GRM8: variants seen among roughly 807,000 people sequenced by gnomAD.
The protein encoded by GRM8 is metabotropic glutamate receptor 8.
GRM8 carries 47 observed loss-of-function variants against 87.2 expected under a neutral mutation model. The observed-to-expected ratio is 0.54, with a 90% CI of 0.43 to 0.69. The LOEUF (loss-of-function observed/expected upper bound fraction) is 0.69, where lower values mean the gene tolerates loss of function less well. Among genes scored for constraint, GRM8 ranks in the 30% least tolerant of loss-of-function variants. The pLI, the probability that GRM8 is intolerant of heterozygous loss-of-function variation, is 0.00. For synonymous variants in GRM8, 396 were observed against 404.5 expected, an observed-to-expected ratio of 0.98 and a Z score of 0.25; for missense variants, 1,019 against 1,139.2, an observed-to-expected ratio of 0.89 and a Z score of 1.52.
At chr7:127,162,949 C>G (rs1793208468) in intron 2 of GRM8, among the ~76,000 whole-genome samples, 1 of 152,094 alleles carries the variant, frequency 6.6e-6, no homozygotes, top group South Asian at 2.1e-4. Context: ...TCACTGTTCA[C>G]AGAGTAGATT....
intron 8 of GRM8, among the ~76,000 whole-genome samples, chr7:126,547,323 T>C (rs1817262273): frequency 6.6e-6 from 1 of 152,104 alleles, no homozygotes; most frequent in Non-Finnish European, 1.5e-5. Context: ...TTTTCCCCAA[T>C]GCATGGAGAG....
At chr7:126,806,250 C>G (rs937431044) in intron 6 of GRM8, among the ~76,000 whole-genome samples, 1 of 152,210 alleles carries the variant, frequency 6.6e-6, no homozygotes, top group Non-Finnish European at 1.5e-5. Flanking sequence ...AGTGCTACAG[C>G]TCTTAAAGGC....
intron 2 of GRM8, among the ~76,000 whole-genome samples, chr7:127,144,891 C>T (rs1035277646): frequency 2.0e-5 from 3 of 152,066 alleles, no homozygotes; most frequent in Admixed American, 6.6e-5. Flanking sequence ...GTGCTAATTT[C>T]CTACAGATCG....
chr7:126,794,170 TAAAA>T (rs1017004843), intron 6 of GRM8, among the ~76,000 whole-genome samples: 2 of 145,732 alleles, frequency 1.4e-5, no homozygotes, highest in Middle Eastern at 3.2e-3. Flanking sequence ...AAAAATAAAA[TAAAA>T]AAAAAAGCCC....
chr7:127,051,533 T>C (rs1022742107), intron 3 of GRM8, among the ~76,000 whole-genome samples: 13 of 152,016 alleles, frequency 8.6e-5, no homozygotes, highest in African/African-American at 2.9e-4. Context: ...AAAACTCAGA[T>C]CTGAAGAAAC....
chr7:126,897,688 TA>T (rs1254137687), intron 6 of GRM8, among the ~76,000 whole-genome samples: 1 of 152,112 alleles, frequency 6.6e-6, no homozygotes, highest in African/African-American at 2.4e-5. Context: ...AAGGGAATTT[TA>T]AGTAGGATTA....
chr7:126,608,920 C>T (rs935991014), intron 8 of GRM8, among the ~76,000 whole-genome samples: 1 of 152,030 alleles, frequency 6.6e-6, no homozygotes, highest in Non-Finnish European at 1.5e-5. Context: ...CCCACCACCA[C>T]CCCTGGCTAA....
At chr7:127,070,831 G>A (rs2237783) in intron 3 of GRM8, among the ~76,000 whole-genome samples, 3 of 151,920 alleles carry the variant, frequency 2.0e-5, no homozygotes, top group African/African-American at 4.8e-5. Flanking sequence ...AGACTGGAAC[G>A]TGTCTCTTGC....
intron 6 of GRM8, among the ~76,000 whole-genome samples, chr7:126,822,833 A>G (rs138858213): frequency 2.2e-4 from 33 of 152,334 alleles, no homozygotes; most frequent in African/African-American, 7.5e-4. Context: ...ATGCATCTAC[A>G]TATCTGGTTT....
intron 8 of GRM8, among the ~76,000 whole-genome samples, chr7:126,603,457 C>A (rs1242131719): frequency 1.3e-5 from 2 of 151,612 alleles, no homozygotes; most frequent in African/African-American, 4.8e-5. Context: ...TCACTGTTTG[C>A]AGACGACATG....
intron 7 of GRM8, among the ~76,000 whole-genome samples, chr7:126,712,622 T>C (rs1811221617): frequency 6.6e-6 from 1 of 152,158 alleles, no homozygotes; most frequent in South Asian, 2.1e-4. Context: ...ACTAAAGAGC[T>C]TCTGCTCAGC....
At chr7:126,519,609 T>G (rs531203858) in intron 9 of GRM8, among the ~76,000 whole-genome samples, 2 of 152,038 alleles carry the variant, frequency 1.3e-5, no homozygotes, top group Admixed American at 6.6e-5. Context: ...AATGACGGTG[T>G]TAAAACAAAA....
At chr7:126,961,458 T>A (rs1423969311) in intron 3 of GRM8, among the ~76,000 whole-genome samples, 36 of 152,204 alleles carry the variant, frequency 2.4e-4, no homozygotes, top group Admixed American at 2.4e-3. Context: ...TTGTCTAGAA[T>A]AAAGCTTGAA....
intron 3 of GRM8, among the ~76,000 whole-genome samples, chr7:127,043,147 AC>A (rs1432900296): frequency 1.3e-5 from 2 of 152,218 alleles, no homozygotes; most frequent in Non-Finnish European, 2.9e-5. Flanking sequence ...AGAAATAGGA[AC>A]ACTTTTACAC....
rs148423790 is a variant in GRM8 at position 126,711,383 on chromosome 7, G to C, written c.1357+58482C>G. Among the ~76,000 whole-genome samples the C allele has an allele frequency of 6.6e-5, 10 of 152,268 alleles. No individual in the cohort carries two copies. The East Asian group carries it at 1.9e-3, about 29-fold the overall frequency. ...TGAAAACTATCTTCTTTTCTGAGCA[G>C]TAGGTCTCAACACTGGGCTGAAAAT... is the stretch of plus-strand genomic sequence containing the variant. On this transcript the variant is annotated intron_variant, in intron 7 of 10. Coordinates refer to ENST00000339582, the MANE Select transcript of GRM8 (RefSeq NM_000845.3).
At chr7:127,074,011 T>C (rs1468559763) in intron 3 of GRM8, among the ~76,000 whole-genome samples, 1 of 152,232 alleles carries the variant, frequency 6.6e-6, no homozygotes, top group Non-Finnish European at 1.5e-5. Context: ...TTCAGCATTA[T>C]AGAAGTTTTA....
At chr7:126,837,158 G>T (rs971701194) in intron 6 of GRM8, among the ~76,000 whole-genome samples, 1 of 151,990 alleles carries the variant, frequency 6.6e-6, no homozygotes, top group African/African-American at 2.4e-5. Flanking sequence ...ATCCAGAAAG[G>T]CCTCACATTT....
intron 7 of GRM8, among the ~76,000 whole-genome samples, chr7:126,761,602 T>C (rs562017882): frequency 2.0e-5 from 3 of 152,294 alleles, no homozygotes; most frequent in East Asian, 1.9e-4. Flanking sequence ...AGCACTTCAC[T>C]GTCCTGCTCA....
intron 7 of GRM8, among the ~76,000 whole-genome samples, chr7:126,753,173 C>G (rs570726468): frequency 1.3e-5 from 2 of 152,066 alleles, no homozygotes; most frequent in South Asian, 4.2e-4. Flanking sequence ...AATTCCTTGA[C>G]TATCTGTGAG....
Sources: gnomAD v4.1 joint callset for allele counts (sites outside exome capture counted in the v4.1 genomes callset) on GRCh38, gnomAD v4.1.1 for gene constraint, MANE v1.5 for transcripts, NCBI Gene and HGNC (gene_info 2026-07-23, HGNC 2026-07-21) for gene names.